The following INTS6 variants were observed in gnomAD, a reference collection of about 807,000 sequenced individuals.
INTS6 encodes the protein integrator complex subunit 6, also known as DEAD box protein.
Under a neutral mutation model 104.9 loss-of-function variants are expected in INTS6, and 16 were observed. The observed-to-expected ratio is 0.15, with a 90% CI of 0.10 to 0.23. The LOEUF is 0.23. Ranked by LOEUF, INTS6 falls within the 10% of genes least tolerant of loss-of-function variation. The pLI, the probability that INTS6 is intolerant of heterozygous loss-of-function variation, is 1.00. For synonymous variants in INTS6, 324 were observed against 358.7 expected (o/e 0.90, Z 1.09); for missense variants, 584 against 1,062.8 (o/e 0.55, Z 6.26).
At chr13:51,337,031 A>G in the INTS6 span, among the ~76,000 whole-genome samples, 1 of 152,194 alleles carries the variant, frequency 6.6e-6, no homozygotes, top group African/African-American at 2.4e-5. Flanking sequence ...AGTACTTGCT[A>G]ATTTCATCTG....
chr13:51,409,485 G>T (rs975217787), intron 4 of INTS6, among the ~76,000 whole-genome samples: 1 of 151,826 alleles, frequency 6.6e-6, no homozygotes, highest in Non-Finnish European at 1.5e-5. Context: ...CATAGTCAGT[G>T]AAACAGTTAT....
At chr13:51,347,491 C>G in the INTS6 span, among the ~76,000 whole-genome samples, 1 of 152,178 alleles carries the variant, frequency 6.6e-6, no homozygotes, top group Non-Finnish European at 1.5e-5. Flanking sequence ...CTGACATTTC[C>G]TTCTGCACTA....
intron 6 of INTS6, among the ~76,000 whole-genome samples, chr13:51,388,227 C>T (rs1004086271): frequency 1.3e-5 from 2 of 152,032 alleles, no homozygotes; most frequent in Admixed American, 6.6e-5. Flanking sequence ...ATTGTTATCA[C>T]CCATTCCTTC....
the INTS6 span, among the ~76,000 whole-genome samples, chr13:51,337,257 T>C: frequency 2.0e-5 from 3 of 152,252 alleles, no homozygotes; most frequent in Non-Finnish European, 4.4e-5. Context: ...TACCTATTAA[T>C]TATGTCCTTA....
chr13:51,395,622 G>T (rs1956321178), intron 4 of INTS6, 139 bp from the exon 5 acceptor site: 3 of 712,260 alleles, frequency 4.2e-6, no homozygotes, highest in African/African-American at 1.8e-5. Flanking sequence ...AAGCTTACTT[G>T]TTCAGACATA....
At chr13:51,348,150 C>T in the INTS6 span, 37 of 1,305,278 alleles carry the variant, frequency 2.8e-5, no homozygotes, top group South Asian at 4.1e-5. Context: ...TCTCAGGGTC[C>T]GACACTGGTT....
chr13:51,401,823 C>G (rs1159305979), intron 4 of INTS6, among the ~76,000 whole-genome samples: 1 of 151,996 alleles, frequency 6.6e-6, no homozygotes, highest in Non-Finnish European at 1.5e-5. Context: ...CTCTTAAACA[C>G]TGTATTATAC....
intron 3 of INTS6, among the ~76,000 whole-genome samples, chr13:51,434,630 A>G (rs1957154148): frequency 6.6e-6 from 1 of 152,080 alleles, no homozygotes; most frequent in Non-Finnish European, 1.5e-5. Context: ...TCTTCAGGAA[A>G]AATGTGCCCC....
the INTS6 span, among the ~76,000 whole-genome samples, chr13:51,348,952 C>T: frequency 6.8e-6 from 1 of 146,996 alleles, no homozygotes; most frequent in African/African-American, 2.6e-5. Flanking sequence ...TGGAGGTGAA[C>T]TCTCCTTTAA....
At chr13:51,444,646 G>T in intron 3 of INTS6, 1 of 151,938 alleles carries the variant, frequency 6.6e-6, no homozygotes, top group Non-Finnish European at 1.5e-5. Context: ...CTACTCAGGA[G>T]GCTGAAGCAG....
rs1013528780 is a variant in INTS6 at position 51,364,054 on chromosome 13, T to C, written c.*1698A>G. The C allele has an allele frequency of 3.7e-5, 14 of 378,788 alleles. No homozygotes were observed. Among genetic ancestry groups the C allele is most frequent in the Admixed American group, 3.6e-4 (8 of 22,330 alleles). The allele number at this position is 378,788 out of a possible 1,614,324, so 23.5% of individuals were successfully genotyped here. A position where few individuals can be genotyped will look rare whatever the true frequency, so the allele number is the denominator to read the frequency against. On this transcript the variant is annotated 3_prime_UTR_variant, in exon 18 of 18. Coordinates refer to ENST00000311234, the MANE Select transcript of INTS6 (RefSeq NM_012141.3). ...ATATATATAATTTAGGAACAGACAA[T>C]ATATTCTGGATTTTGTGTAACTCTC...
chr13:51,406,272 C>G (rs2138012268), intron 4 of INTS6, among the ~76,000 whole-genome samples: 1 of 152,220 alleles, frequency 6.6e-6, no homozygotes, highest in South Asian at 2.1e-4. Flanking sequence ...CTCTGAGCAC[C>G]AAATATTCTG....
intron 5 of INTS6, among the ~76,000 whole-genome samples, chr13:51,390,074 T>C (rs548215253): frequency 7.6e-4 from 116 of 152,230 alleles, no homozygotes; most frequent in Non-Finnish European, 1.4e-3. Flanking sequence ...TTTTAACTTA[T>C]ACTACTTTTG....
intron 12 of INTS6, among the ~76,000 whole-genome samples, chr13:51,376,729 T>G (rs989645187): frequency 1.3e-5 from 2 of 152,222 alleles, no homozygotes; most frequent in Non-Finnish European, 2.9e-5. Flanking sequence ...TCTTTTGTAC[T>G]TGGCTTCTTT....
chr13:51,369,239 C>G lies in INTS6; in HGVS notation c.2176G>C (p.Asp726His). 1 of 1,613,680 alleles carries G rather than the reference C, an allele frequency of 6.2e-7. No individual in the cohort carries two copies. Among genetic ancestry groups the G allele is most frequent in the Non-Finnish European group, 8.5e-7 (1 of 1,179,794 alleles). Residue 726 changes from aspartate (D) to histidine (H), a missense_variant, in exon 16 of 18, where the codon GAC (aspartate) becomes CAC (histidine). Physicochemically the swap from Asp to His is moderately conservative, Grantham distance 81. This residue lies in a region of INTS6 where 296 missense variants were observed against 437.0 expected (regional missense o/e 0.68). Transcript: ENST00000311234. The stretch of plus-strand genomic sequence containing the variant: ...GTATCCATAGCATTTGGTGTAATGT[C>G]TGATGAAAGTTGGTCTGCAACATGA... ...ENHVADQLSS[D>H]ITPNAMDTEF...
chr13:51,421,242 T>C (rs1238746091), intron 4 of INTS6: 2 of 985,568 alleles, frequency 2.0e-6, no homozygotes, highest in South Asian at 4.7e-5. Flanking sequence ...CGATCCTGTA[T>C]CCAGGAATCA....
At chr13:51,436,433 A>G (rs1309964912) in intron 3 of INTS6, 1 of 152,194 alleles carries the variant, frequency 6.6e-6, no homozygotes, top group Admixed American at 6.5e-5. Flanking sequence ...GTTCCGATAC[A>G]ATTCCTTTAT....
At chr13:51,349,967 C>CA (rs1326305460), downstream of INTS6, among the ~76,000 whole-genome samples, 2 of 151,692 alleles carry the variant, frequency 1.3e-5, no homozygotes, top group Non-Finnish European at 2.9e-5. Context: ...GGGAACAAAA[C>CA]AAAAAAAGTA....
chr13:51,356,162 T>A lies in INTS6; in HGVS notation n.431-1826A>T, dbSNP rs75027836. ...TTAAAATCTACCAGCTCTGTACTCA[T>A]TGCCTGAACACGCAAAGAGATAGCA... On this transcript the variant is annotated intron_variant and non_coding_transcript_variant, in intron 3 of 3. Coordinates refer to the INTS6 transcript ENST00000476666. Among the ~76,000 whole-genome samples, 1,388 of 152,252 alleles carry A rather than the reference T, an allele frequency of 9.1e-3. 19 individuals carry two copies. The highest frequency in any genetic ancestry group is 0.032 in the African/African-American group (1,313 of 41,552).
Sources: allele counts gnomAD v4.1 joint callset (sites outside exome capture counted in the v4.1 genomes callset), GRCh38; gene constraint gnomAD v4.1.1; regional missense constraint gnomAD v4.1.1; transcripts MANE v1.5; gene names NCBI Gene and HGNC (gene_info 2026-07-23, HGNC 2026-07-21).